Variants in TCAIM observed in about 807,000 individuals in gnomAD.
The protein encoded by TCAIM is T-cell activation inhibitor, mitochondrial.
Under a neutral mutation model 58.6 loss-of-function variants are expected in TCAIM, and 36 were observed. The ratio of observed to expected loss-of-function variants is 0.61; its 90% CI spans 0.47 to 0.81. TCAIM has a LOEUF of 0.81. TCAIM is among the 30% of genes least tolerant of loss of function. The probability of loss-of-function intolerance (pLI) is 0.00; values close to 1 mark genes in which losing one functional copy is unlikely to be tolerated. For synonymous variants in TCAIM, 172 were observed against 193.6 expected, an observed-to-expected ratio of 0.89 and a Z score of 0.93; for missense variants, 466 against 579.6, an observed-to-expected ratio of 0.80 and a Z score of 2.01.
At chr3:44,384,790 A>C (rs544403016) in intron 5 of TCAIM, among the ~76,000 whole-genome samples, 2 of 152,308 alleles carry the variant, frequency 1.3e-5, no homozygotes, top group South Asian at 2.1e-4. Flanking sequence ...TGGGTTCTAC[A>C]TTCCTTCTAT....
intron 5 of TCAIM, among the ~76,000 whole-genome samples, chr3:44,372,009 A>AGAAT (rs1701479268): frequency 8.7e-6 from 1 of 115,508 alleles, no homozygotes; most frequent in Non-Finnish European, 1.7e-5. Flanking sequence ...AGAGAAAGAG[A>AGAAT]GAAGGAAGGA....
chr3:44,367,156 C>T (rs1227879897), intron 4 of TCAIM, among the ~76,000 whole-genome samples: 1 of 152,152 alleles, frequency 6.6e-6, no homozygotes, highest in Non-Finnish European at 1.5e-5. Flanking sequence ...TATTCTAAAT[C>T]CCCTTGGTGG....
At chr3:44,389,979 T>C (rs886540191) in intron 5 of TCAIM, among the ~76,000 whole-genome samples, 8 of 152,218 alleles carry the variant, frequency 5.3e-5, no homozygotes, top group Non-Finnish European at 2.9e-5. Flanking sequence ...TGGAAAGATC[T>C]GATACATCTT....
intron 5 of TCAIM, among the ~76,000 whole-genome samples, chr3:44,392,018 A>G (rs1459406142): frequency 6.6e-6 from 1 of 152,258 alleles, no homozygotes; most frequent in African/African-American, 2.4e-5. Context: ...GACTGACATC[A>G]GTGAAAATCC....
intron 5 of TCAIM, among the ~76,000 whole-genome samples, chr3:44,373,323 TTTATC>T: frequency 6.6e-6 from 1 of 152,160 alleles, no homozygotes; most frequent in South Asian, 2.1e-4. Context: ...CAGATTGTGT[TTTATC>T]TTACTTCAAC....
At chr3:44,342,757 T>C (rs566081099) in intron 1 of TCAIM, among the ~76,000 whole-genome samples, 1 of 152,018 alleles carries the variant, frequency 6.6e-6, no homozygotes, top group Non-Finnish European at 1.5e-5. Context: ...CTCTGATCAC[T>C]TCAAATCAGT....
chr3:44,399,538 C>G (rs1408424505), intron 8 of TCAIM, among the ~76,000 whole-genome samples: 3 of 152,104 alleles, frequency 2.0e-5, no homozygotes, highest in African/African-American at 4.8e-5. Context: ...CCCTACGTCC[C>G]CCTTCAGCCC....
At chr3:44,338,243 C>T (rs1700758868), upstream of TCAIM, 1 of 152,416 alleles carries the variant, frequency 6.6e-6, no homozygotes, top group African/African-American at 2.4e-5. Context: ...TTCCGAGTCC[C>T]TCCGGCCTAG....
intron 10 of TCAIM, 149 bp from the exon 11 acceptor site, chr3:44,407,293 A>T (rs2125660189): frequency 1.9e-6 from 1 of 538,772 alleles, no homozygotes; most frequent in East Asian, 3.2e-5. Flanking sequence ...TTCCAAACGT[A>T]TAATTTGGCC....
intron 3 of TCAIM, chr3:44,358,204 T>TC: frequency 1.3e-6 from 2 of 1,569,380 alleles, no homozygotes; most frequent in Non-Finnish European, 8.6e-7. Flanking sequence ...TCTCTCTCTT[T>TC]TTTTTTTTTA....
In TCAIM at chr3:44,401,336, T is replaced by A; in HGVS notation, c.1250+2T>A. ...AGAGAACATGAAAAGAAAGGAAGAG[T>A]AAGTACTGCCAGTCTTCTGTAAAGT... On this transcript the variant is annotated splice_donor_variant, in intron 10 of 10. Transcript: ENST00000342649. LOFTEE classifies it high-confidence loss of function. 1 of 1,613,474 alleles carries A rather than the reference T, an allele frequency of 6.2e-7. No homozygotes were observed. The highest frequency in any genetic ancestry group is 8.5e-7 in the Non-Finnish European group (1 of 1,179,862).
intron 5 of TCAIM, among the ~76,000 whole-genome samples, chr3:44,375,204 A>G (rs1236002194): frequency 6.6e-6 from 1 of 152,130 alleles, no homozygotes; most frequent in Non-Finnish European, 1.5e-5. Flanking sequence ...TTTTTAATCA[A>G]GCTGTCTTAG....
chr3:44,365,469 C>G (rs1322943897), intron 4 of TCAIM, among the ~76,000 whole-genome samples: 1 of 152,046 alleles, frequency 6.6e-6, no homozygotes, highest in East Asian at 1.9e-4. Context: ...GCTGGGATTA[C>G]AGGAGTGCAC....
chr3:44,338,585 G>C (rs183483624), upstream of TCAIM: 2,533 of 152,826 alleles, frequency 0.017, 24 homozygotes, highest in Non-Finnish European at 0.027. Flanking sequence ...GGAGGGCCCA[G>C]CTGAGAATTC....
chr3:44,344,154 G>A (rs1047784517), intron 1 of TCAIM, among the ~76,000 whole-genome samples: 6 of 151,598 alleles, frequency 4.0e-5, no homozygotes, highest in Non-Finnish European at 7.4e-5. Flanking sequence ...TGGAATTACA[G>A]GCGTGTGTCA....
chr3:44,379,619 G>A (rs769311403), intron 5 of TCAIM, among the ~76,000 whole-genome samples: 9 of 152,146 alleles, frequency 5.9e-5, no homozygotes, highest in Admixed American at 1.3e-4. Context: ...AACTAATGCC[G>A]TGACAGAAAA....
intron 4 of TCAIM, among the ~76,000 whole-genome samples, chr3:44,365,582 C>T (rs1701361246): frequency 6.6e-6 from 1 of 152,158 alleles, no homozygotes; most frequent in Non-Finnish European, 1.5e-5. Flanking sequence ...CCTGCCTCAG[C>T]CTTCCAAAGT....
At chr3:44,367,432 G>A (rs781366478) in intron 4 of TCAIM, 24 bp from the exon 5 acceptor site, 2 of 1,590,122 alleles carry the variant, frequency 1.3e-6, no homozygotes, top group East Asian at 4.5e-5. Flanking sequence ...TGTATTAATT[G>A]TTTGGGGGAA....
chr3:44,349,271 A>G (rs964272794), intron 1 of TCAIM, among the ~76,000 whole-genome samples: 1 of 152,182 alleles, frequency 6.6e-6, no homozygotes, highest in Admixed American at 6.5e-5. Flanking sequence ...GACATCTCAG[A>G]CCATTTGCCC....
Sources: allele counts gnomAD v4.1 joint callset (sites outside exome capture counted in the v4.1 genomes callset), GRCh38; gene constraint gnomAD v4.1.1; transcripts MANE v1.5; gene names NCBI Gene and HGNC (gene_info 2026-07-23, HGNC 2026-07-21).